PDE4D: variants seen among roughly 807,000 people sequenced by gnomAD.
The protein encoded by PDE4D is 3',5'-cyclic-AMP phosphodiesterase 4D.
Under a neutral mutation model 87.4 loss-of-function variants are expected in PDE4D, and 24 were observed. The ratio of observed to expected loss-of-function variants is 0.27; its 90% CI spans 0.20 to 0.39. The LOEUF (loss-of-function observed/expected upper bound fraction) is 0.39, where lower values mean the gene tolerates loss of function less well. Ranked by LOEUF, PDE4D falls within the 10% of genes least tolerant of loss-of-function variation. PDE4D has a pLI of 1.00. For missense variants in PDE4D, 714 were observed against 1,041.0 expected (o/e 0.69, Z 4.32); for synonymous variants, 384 against 383.2 (o/e 1.00, Z -0.02).
intron 1 of PDE4D, among the ~76,000 whole-genome samples, chr5:59,451,284 T>C (rs142178244): frequency 1.8e-3 from 279 of 152,310 alleles, no homozygotes; most frequent in Non-Finnish European, 3.1e-3. Context: ...TCTTCAAATA[T>C]TGGCAGTTCT....
chr5:59,853,503 G>A (rs1744981426), intron 1 of PDE4D, among the ~76,000 whole-genome samples: 2 of 151,902 alleles, frequency 1.3e-5, no homozygotes, highest in African/African-American at 4.8e-5. Flanking sequence ...AGTTTCCTAT[G>A]CATATGTTAT....
chr5:59,410,219 C>G (rs1472977982), intron 1 of PDE4D, among the ~76,000 whole-genome samples: 1 of 151,846 alleles, frequency 6.6e-6, no homozygotes, highest in Non-Finnish European at 1.5e-5. Flanking sequence ...ATCCTACTCT[C>G]TATCTCCACG....
At chr5:59,594,073 C>T (rs1295433697) in intron 1 of PDE4D, among the ~76,000 whole-genome samples, 1 of 151,862 alleles carries the variant, frequency 6.6e-6, no homozygotes, top group African/African-American at 2.4e-5. Context: ...CTCCAGCCCA[C>T]TCTAGCCTAC....
intron 5 of PDE4D, among the ~76,000 whole-genome samples, chr5:59,177,798 G>T (rs992801674): frequency 3.9e-5 from 6 of 152,116 alleles, no homozygotes; most frequent in Non-Finnish European, 5.9e-5. Flanking sequence ...TATGTTGAGG[G>T]ATAGACAGGC....
At chr5:59,473,083 G>GAAA (rs10573988) in intron 1 of PDE4D, among the ~76,000 whole-genome samples, 8 of 92,074 alleles carry the variant, frequency 8.7e-5, no homozygotes, top group South Asian at 4.3e-4. Context: ...GCTTTCTCAT[G>GAAA]AAAAAAAAAA....
At chr5:59,668,778 G>A (rs866848771) in intron 1 of PDE4D, among the ~76,000 whole-genome samples, 17 of 123,518 alleles carry the variant, frequency 1.4e-4, no homozygotes, top group Non-Finnish European at 2.1e-4. Context: ...GAAGAAGAAA[G>A]AAGAAGAAGA....
chr5:59,862,715 G>C (rs1020250158), intron 1 of PDE4D, among the ~76,000 whole-genome samples: 7 of 152,180 alleles, frequency 4.6e-5, no homozygotes, highest in African/African-American at 1.7e-4. Flanking sequence ...TTGAATCCCA[G>C]CTCAATAACT....
chr5:59,335,591 A>G (rs1777521411), intron 1 of PDE4D, among the ~76,000 whole-genome samples: 1 of 152,218 alleles, frequency 6.6e-6, no homozygotes, highest in Non-Finnish European at 1.5e-5. Context: ...AAAAAGAAGT[A>G]AAAGAATGAT....
At chr5:59,970,683 T>C (rs1302658472) in intron 3 of PDE4D, among the ~76,000 whole-genome samples, 12 of 149,656 alleles carry the variant, frequency 8.0e-5, no homozygotes, top group Admixed American at 2.7e-4. Context: ...GTTAGAATGG[T>C]GATCATTAAA....
At chr5:60,370,295 A>G (rs1760910396) in intron 1 of PDE4D, among the ~76,000 whole-genome samples, 2 of 152,136 alleles carry the variant, frequency 1.3e-5, no homozygotes, top group Non-Finnish European at 2.9e-5. Flanking sequence ...AAAGGCCCCA[A>G]CTTGCATGTT....
chr5:60,154,893 T>C (rs1781827921), intron 2 of PDE4D, among the ~76,000 whole-genome samples: 1 of 152,236 alleles, frequency 6.6e-6, no homozygotes, highest in Non-Finnish European at 1.5e-5. Context: ...TTTTAAAATG[T>C]AGTTGCAACT....
chr5:59,970,277 C>A (rs1760568544), intron 3 of PDE4D, among the ~76,000 whole-genome samples: 1 of 152,102 alleles, frequency 6.6e-6, no homozygotes, highest in African/African-American at 2.4e-5. Context: ...TAGGCAATAC[C>A]ATTCAGGACA....
intron 1 of PDE4D, among the ~76,000 whole-genome samples, chr5:59,482,927 G>A (rs1388491157): frequency 1.3e-5 from 2 of 152,160 alleles, no homozygotes; most frequent in African/African-American, 2.4e-5. Context: ...GTATGTGTGT[G>A]AGGGTGTTTT....
At chr5:59,682,146 G>A (rs1166269872) in intron 1 of PDE4D, among the ~76,000 whole-genome samples, 2 of 152,148 alleles carry the variant, frequency 1.3e-5, no homozygotes, top group African/African-American at 4.8e-5. Context: ...AATAACACAA[G>A]TAACTGATTT....
intron 2 of PDE4D, among the ~76,000 whole-genome samples, chr5:60,111,781 T>G (rs1777715994): frequency 6.6e-6 from 1 of 151,938 alleles, no homozygotes; most frequent in African/African-American, 2.4e-5. Context: ...ATAAAGTAAA[T>G]AAAAATGATG....
At chr5:59,202,028 T>C (rs1179411787) in intron 2 of PDE4D, among the ~76,000 whole-genome samples, 1 of 132,082 alleles carries the variant, frequency 7.6e-6, no homozygotes, top group East Asian at 2.1e-4. Flanking sequence ...TCTGGTGTTT[T>C]GATCATTTTT....
intron 5 of PDE4D, among the ~76,000 whole-genome samples, chr5:59,047,513 A>G (rs1238876093): frequency 2.0e-5 from 3 of 152,212 alleles, no homozygotes; most frequent in Non-Finnish European, 4.4e-5. Flanking sequence ...TTTGCTTTTC[A>G]AAAAGATTAC....
intron 1 of PDE4D, among the ~76,000 whole-genome samples, chr5:59,763,746 T>A (rs1328204168): frequency 6.6e-6 from 1 of 152,194 alleles, no homozygotes; most frequent in Admixed American, 6.6e-5. Flanking sequence ...GAATCATGTC[T>A]ATAATCACTA....
At chr5:59,185,703 T>C (rs968996723) in intron 3 of PDE4D, among the ~76,000 whole-genome samples, 3 of 152,216 alleles carry the variant, frequency 2.0e-5, no homozygotes, top group Non-Finnish European at 4.4e-5. Context: ...GCAAGTGAAG[T>C]GAATTTTAAA....
Sources: gnomAD v4.1 joint callset for allele counts (sites outside exome capture counted in the v4.1 genomes callset) on GRCh38, gnomAD v4.1.1 for gene constraint, MANE v1.5 for transcripts, NCBI Gene and HGNC (gene_info 2026-07-23, HGNC 2026-07-21) for gene names.